The following ARMC8 variants were observed in gnomAD, a reference collection of about 807,000 sequenced individuals.
ARMC8 encodes the protein armadillo repeat-containing protein 8.
Under a neutral mutation model 99.3 loss-of-function variants are expected in ARMC8, and 20 were observed. The observed-to-expected ratio is 0.20, with a 90% CI of 0.14 to 0.29. ARMC8 has a LOEUF of 0.29. Among genes scored for constraint, ARMC8 ranks in the 10% least tolerant of loss-of-function variants. The pLI, the probability that ARMC8 is intolerant of heterozygous loss-of-function variation, is 1.00. For missense variants in ARMC8, 569 were observed against 809.5 expected (o/e 0.70, Z 3.60); for synonymous variants, 263 against 278.3 (o/e 0.95, Z 0.55).
At position 138,210,428 on chromosome 3, in the gene ARMC8, A is replaced by G. The variant is rs1003057701; in HGVS notation, c.122+535A>G. 3.3e-5 allele frequency among the ~76,000 whole-genome samples: 5 copies of G among 152,316 alleles called. No homozygotes were observed. The East Asian group carries it at 9.6e-4, about 29-fold the overall frequency. ...GAGAGGAAACATTTTTAAGCAACAT[A>G]CCAGAGGTAATTATGCTCTTAAAAA... On this transcript the variant is annotated intron_variant, in intron 2 of 21. Transcript: ENST00000469044.
chr3:138,229,747 A>G (rs1363365794), intron 6 of ARMC8, among the ~76,000 whole-genome samples: 1 of 152,202 alleles, frequency 6.6e-6, no homozygotes, highest in Non-Finnish European at 1.5e-5. Context: ...TGAATGTATC[A>G]TTTTTGATAA....
At chr3:138,209,949 T>C (rs1270379724) in intron 2 of ARMC8, 56 bp downstream of exon 2, 1 of 1,347,792 alleles carries the variant, frequency 7.4e-7, no homozygotes, top group African/African-American at 1.4e-5. Flanking sequence ...CATGTTTTAA[T>C]CTGCCACATA....
At chr3:138,235,636 C>T (rs191571310) in intron 7 of ARMC8, among the ~76,000 whole-genome samples, 60 of 152,198 alleles carry the variant, frequency 3.9e-4, no homozygotes, top group African/African-American at 1.2e-3. Flanking sequence ...TTAAAACCTT[C>T]GCCATTCATT....
chr3:138,245,993 T>C, intron 12 of ARMC8: 1 of 985,308 alleles, frequency 1.0e-6, no homozygotes, highest in Middle Eastern at 5.2e-4. Flanking sequence ...AAATTAGTCA[T>C]TATTTACTGA....
intron 12 of ARMC8, among the ~76,000 whole-genome samples, chr3:138,248,429 A>G (rs1329481889): frequency 6.6e-6 from 1 of 152,214 alleles, no homozygotes; most frequent in Non-Finnish European, 1.5e-5. Context: ...CAAAAGGAAA[A>G]TCTAGTTTCT....
intron 6 of ARMC8, among the ~76,000 whole-genome samples, chr3:138,233,218 A>G (rs1459086921): frequency 1.3e-5 from 2 of 152,194 alleles, no homozygotes; most frequent in African/African-American, 2.4e-5. Context: ...ATAACTGCAG[A>G]TGATGCATGG....
At chr3:138,269,975 A>G (rs570298125) in intron 15 of ARMC8, 65 bp from the exon 16 acceptor site, 2 of 1,072,260 alleles carry the variant, frequency 1.9e-6, no homozygotes, top group African/African-American at 1.6e-5. Context: ...GCCAAGGTAT[A>G]TGCATGTTTA....
intron 16 of ARMC8, 25 bp from the exon 17 acceptor site, chr3:138,272,942 C>T: frequency 6.7e-7 from 1 of 1,496,758 alleles, no homozygotes; most frequent in South Asian, 1.4e-5. Context: ...AGACATGATT[C>T]TTGCAACTTC....
intron 9 of ARMC8, chr3:138,238,915 A>G (rs2046467761): frequency 2.6e-5 from 4 of 152,256 alleles, no homozygotes; most frequent in Admixed American, 2.6e-4. Context: ...AAGGCAGCTT[A>G]TAATTGTTTT....
chr3:138,289,822 G>T (rs886441533), intron 20 of ARMC8, among the ~76,000 whole-genome samples: 1 of 152,124 alleles, frequency 6.6e-6, no homozygotes, highest in South Asian at 2.1e-4. Flanking sequence ...AGATTTCTGG[G>T]CCCCATCCCT....
At chr3:138,293,449 G>T (rs2051176064) in intron 21 of ARMC8, among the ~76,000 whole-genome samples, 1 of 152,112 alleles carries the variant, frequency 6.6e-6, no homozygotes, top group Non-Finnish European at 1.5e-5. Flanking sequence ...TGAGGCAGGA[G>T]GATCACTTGA....
intron 2 of ARMC8, among the ~76,000 whole-genome samples, chr3:138,220,288 A>G (rs1055829167): frequency 1.3e-5 from 2 of 152,234 alleles, no homozygotes; most frequent in Admixed American, 1.3e-4. Context: ...ATATTCATGT[A>G]TCAGAACTTG....
At chr3:138,203,836 C>T (rs547529975) in intron 1 of ARMC8, among the ~76,000 whole-genome samples, 2 of 152,336 alleles carry the variant, frequency 1.3e-5, no homozygotes, top group African/African-American at 4.8e-5. Context: ...AATAAATTTA[C>T]TTCAGACTTC....
intron 2 of ARMC8, among the ~76,000 whole-genome samples, chr3:138,215,343 A>T (rs1006320246): frequency 6.6e-6 from 1 of 151,976 alleles, no homozygotes; most frequent in African/African-American, 2.4e-5. Flanking sequence ...CAGCCTCCCA[A>T]GTAGCTGGGA....
chr3:138,280,856 G>T (rs2049834046), intron 18 of ARMC8, among the ~76,000 whole-genome samples: 1 of 151,828 alleles, frequency 6.6e-6, no homozygotes, highest in Non-Finnish European at 1.5e-5. Flanking sequence ...TCAAACTCTT[G>T]ACCTCAAGGG....
chr3:138,187,979 T>G, intron 1 of ARMC8: 1 of 281,100 alleles, frequency 3.6e-6, no homozygotes, highest in Non-Finnish European at 6.8e-6. Context: ...AGCGCCGGGC[T>G]TGCAGCCGGC....
chr3:138,229,148 A>ATATATATATATATATG (rs2045863768), intron 6 of ARMC8, 138 bp downstream of exon 6: 1 of 34,390 alleles, frequency 2.9e-5, no homozygotes, highest in African/African-American at 1.1e-4. Flanking sequence ...ATATATATAT[A>ATATATATATATATATG]TATATATATA....
intron 6 of ARMC8, among the ~76,000 whole-genome samples, chr3:138,232,073 C>T (rs1470243598): frequency 2.3e-5 from 3 of 129,342 alleles, no homozygotes; most frequent in Non-Finnish European, 3.1e-5. Context: ...TGGGTCCAAA[C>T]GATTCTCCTG....
chr3:138,224,417 A>C (rs1052090498), intron 5 of ARMC8, among the ~76,000 whole-genome samples: 1 of 152,224 alleles, frequency 6.6e-6, no homozygotes, highest in African/African-American at 2.4e-5. Context: ...ACCTCAGCCT[A>C]GGTGACAGAA....
Sources: allele counts gnomAD v4.1 joint callset (sites outside exome capture counted in the v4.1 genomes callset), GRCh38; gene constraint gnomAD v4.1.1; transcripts MANE v1.5; gene names NCBI Gene and HGNC (gene_info 2026-07-23, HGNC 2026-07-21).